The following WASF3 variants were observed in gnomAD, a reference collection of about 807,000 sequenced individuals.
WASF3 encodes WASP family member 3.
WASF3 carries 11 observed loss-of-function variants against 46.6 expected under a neutral mutation model. That is an observed-to-expected ratio of 0.24 (90% CI 0.15 to 0.39). WASF3 has a LOEUF of 0.39. Among genes scored for constraint, WASF3 ranks in the 10% least tolerant of loss-of-function variants. The probability of loss-of-function intolerance (pLI) is 1.00; values close to 1 mark genes in which losing one functional copy is unlikely to be tolerated. For synonymous variants in WASF3, 242 were observed against 259.7 expected (o/e 0.93, Z 0.65); for missense variants, 576 against 669.8 (o/e 0.86, Z 1.55).
chr13:26,633,445 CT>C, intron 2 of WASF3, among the ~76,000 whole-genome samples: 1 of 152,162 alleles, frequency 6.6e-6, no homozygotes, highest in East Asian at 1.9e-4. Context: ...CTCAGGTGAT[CT>C]GCCCACCTCG....
intron 2 of WASF3, among the ~76,000 whole-genome samples, chr13:26,632,270 C>G (rs1430068834): frequency 6.6e-6 from 1 of 152,150 alleles, no homozygotes; most frequent in Non-Finnish European, 1.5e-5. Flanking sequence ...GGGAATGCTT[C>G]CAGTTTTTGC....
intron 1 of WASF3, among the ~76,000 whole-genome samples, chr13:26,604,452 G>A (rs1408269287): frequency 6.6e-6 from 1 of 152,164 alleles, no homozygotes; most frequent in Non-Finnish European, 1.5e-5. Flanking sequence ...TTTAAGTAAG[G>A]TTGGTGTATG....
the WASF3 span, among the ~76,000 whole-genome samples, chr13:26,547,360 C>T: frequency 0.11 from 16,162 of 150,982 alleles, 1,133 homozygotes; most frequent in South Asian, 0.23. Context: ...AGTCTAATTT[C>T]TGTATAACTC....
At chr13:26,557,886 C>A in intron 1 of WASF3, 67 bp downstream of exon 1, 1 of 293,426 alleles carries the variant, frequency 3.4e-6, no homozygotes, top group South Asian at 1.4e-4. Context: ...GGCTCCGGGC[C>A]GGGCGGCTGT....
chr13:26,557,726 T>G lies in WASF3; in HGVS notation c.-202T>G. The G allele has an allele frequency of 5.2e-6, 1 of 192,470 alleles. No individual in the cohort carries two copies. Among genetic ancestry groups the G allele is most frequent in the Non-Finnish European group, 1.0e-5 (1 of 96,328 alleles). 11.9% of individuals were successfully genotyped at this position (192,470 alleles called of 1,614,324 possible). On this transcript the variant is annotated 5_prime_UTR_variant, in exon 1 of 10. Coordinates refer to ENST00000335327, the MANE Select transcript of WASF3 (RefSeq NM_006646.6). ...GCGTCGCTCGCGCCGCTGCGTGCGGTGTGGTGCGAGGCGGGTGCGCCGGGC... is the reference window on the plus strand; with the variant it reads ...GCGTCGCTCGCGCCGCTGCGTGCGGGGTGGTGCGAGGCGGGTGCGCCGGGC...
chr13:26,557,876 G>T, intron 1 of WASF3, 57 bp downstream of exon 1: 1 of 296,150 alleles, frequency 3.4e-6, no homozygotes, highest in Non-Finnish European at 6.2e-6. Context: ...TGGCCCTCTC[G>T]GCTCCGGGCC....
At chr13:26,580,974 C>A (rs1223050588) in intron 1 of WASF3, among the ~76,000 whole-genome samples, 1 of 150,358 alleles carries the variant, frequency 6.7e-6, no homozygotes, top group Non-Finnish European at 1.5e-5. Context: ...TCCTGTCACC[C>A]AAGCTGGGGT....
At chr13:26,560,373 CTT>C (rs1879258723) in intron 1 of WASF3, among the ~76,000 whole-genome samples, 1 of 152,082 alleles carries the variant, frequency 6.6e-6, no homozygotes, top group African/African-American at 2.4e-5. Flanking sequence ...GGTAAAAAGT[CTT>C]AAGTTTTCTT....
chr13:26,633,201 T>TTTTTTTC (rs1491250555), intron 2 of WASF3, among the ~76,000 whole-genome samples: 1 of 4,642 alleles, frequency 2.2e-4, no homozygotes, highest in African/African-American at 7.6e-4. Flanking sequence ...TAGTTATTTC[T>TTTTTTTC]TTTTTTTTTT....
Position 26,666,818 on chromosome 13 carries a change from G to A in WASF3, c.269-699G>A, listed in dbSNP as rs571873739. On this transcript the variant is annotated intron_variant, in intron 4 of 9. Coordinates refer to ENST00000335327, the MANE Select transcript of WASF3 (RefSeq NM_006646.6). ...GGAGGCTGAGGCAGGAGAATGGCACGAACCCGGGAGGCTGCACTCCAGCCT... is the reference window on the plus strand; with the variant it reads ...GGAGGCTGAGGCAGGAGAATGGCACAAACCCGGGAGGCTGCACTCCAGCCT... 3.5e-4 allele frequency among the ~76,000 whole-genome samples: 46 copies of A among 131,040 alleles called. No individual in the cohort carries two copies. In the South Asian group the frequency reaches 6.3e-3, roughly 18 times the overall value. The allele number at this position is 131,040 out of a possible 152,430, so 86.0% of individuals were successfully genotyped here. A position where few individuals can be genotyped will look rare whatever the true frequency, so the allele number is the denominator to read the frequency against.
intron 3 of WASF3, among the ~76,000 whole-genome samples, chr13:26,661,824 G>A (rs974964639): frequency 6.6e-6 from 1 of 152,198 alleles, no homozygotes; most frequent in Non-Finnish European, 1.5e-5. Context: ...ATGAGAGGTG[G>A]TGGTGAGAGG....
intron 3 of WASF3, among the ~76,000 whole-genome samples, chr13:26,645,834 G>A (rs1253037580): frequency 6.6e-6 from 1 of 152,050 alleles, no homozygotes; most frequent in African/African-American, 2.4e-5. Context: ...AATTTATTGA[G>A]GGGTCATCCA....
chr13:26,666,791 C>T (rs1025733542), intron 4 of WASF3, among the ~76,000 whole-genome samples: 9 of 133,932 alleles, frequency 6.7e-5, no homozygotes, highest in African/African-American at 1.7e-4. Context: ...CCCAGCTACT[C>T]GGGAGGCTGA....
chr13:26,597,475 C>A (rs67278914), intron 1 of WASF3, among the ~76,000 whole-genome samples: 2 of 151,404 alleles, frequency 1.3e-5, no homozygotes, highest in South Asian at 2.1e-4. Context: ...GTTGTTTTTA[C>A]GTTTTAGTCT....
rs1161124793 is a variant in WASF3, at chr13:26,597,863, CATT to C, written c.-108-15097_-108-15095del. Among the ~76,000 whole-genome samples the C allele has an allele frequency of 2.0e-5, 3 of 152,284 alleles. No homozygotes were observed. The South Asian group carries it at 6.2e-4, about 32-fold the overall frequency. On this transcript the variant is annotated intron_variant, in intron 1 of 9. Transcript: ENST00000335327. Reference sequence around the variant, plus strand: ...GCCACATTTTCTTAATCCAGTCTATCATTGTTGGACATTTGGCCTGGTTCCAAG... The same window carrying C: ...GCCACATTTTCTTAATCCAGTCTATCGTTGGACATTTGGCCTGGTTCCAAG...
intron 3 of WASF3, among the ~76,000 whole-genome samples, chr13:26,653,440 G>C (rs908874048): frequency 2.6e-5 from 4 of 152,106 alleles, no homozygotes; most frequent in Non-Finnish European, 4.4e-5. Context: ...TGTCCCCATT[G>C]AGATTTCATC....
At chr13:26,553,682 T>G (rs1356115795), upstream of WASF3, among the ~76,000 whole-genome samples, 1 of 151,870 alleles carries the variant, frequency 6.6e-6, no homozygotes, top group Non-Finnish European at 1.5e-5. Context: ...CCAGTTGTGG[T>G]GGCGGGCGCC....
chr13:26,597,918 A>G (rs561375535), intron 1 of WASF3, among the ~76,000 whole-genome samples: 356 of 152,322 alleles, frequency 2.3e-3, no homozygotes, highest in African/African-American at 7.1e-3. Flanking sequence ...TAGTGCCGCA[A>G]TAAACATACG....
At chr13:26,684,185 T>C (rs1883330932) in intron 9 of WASF3, among the ~76,000 whole-genome samples, 1 of 152,172 alleles carries the variant, frequency 6.6e-6, no homozygotes, top group South Asian at 2.1e-4. Flanking sequence ...ATTGACACAC[T>C]TTTATTTTGT....
Sources: gnomAD v4.1 joint callset for allele counts (sites outside exome capture counted in the v4.1 genomes callset) on GRCh38, gnomAD v4.1.1 for gene constraint, MANE v1.5 for transcripts, NCBI Gene and HGNC (gene_info 2026-07-23, HGNC 2026-07-21) for gene names.